PHF24: variants seen among roughly 807,000 people sequenced by gnomAD.
PHF24 encodes the protein PHD finger protein 24, also known as Galpha inhibitory interacting protein.
PHF24 carries 25 observed loss-of-function variants against 42.6 expected under a neutral mutation model. That is an observed-to-expected ratio of 0.59 (90% CI 0.43 to 0.82). The LOEUF (loss-of-function observed/expected upper bound fraction) is 0.82. Among genes scored for constraint, PHF24 ranks in the 40% least tolerant of loss-of-function variants. PHF24 has a pLI of 0.00. For missense variants in PHF24, 470 were observed against 538.1 expected (o/e 0.87, Z 1.25); for synonymous variants, 185 against 204.8 (o/e 0.90, Z 0.83).
At chr9:34,951,313 T>A in the PHF24 span, among the ~76,000 whole-genome samples, 1 of 152,210 alleles carries the variant, frequency 6.6e-6, no homozygotes, top group African/African-American at 2.4e-5. Context: ...GTGAATATGT[T>A]ATAGTACAAG....
the PHF24 span, among the ~76,000 whole-genome samples, chr9:34,704,760 C>G: frequency 6.6e-6 from 1 of 152,072 alleles, no homozygotes; most frequent in African/African-American, 2.4e-5. Context: ...TGCTTGAGCC[C>G]AGGAGGTTGA....
chr9:34,922,597 A>C, the PHF24 span: 1 of 951,464 alleles, frequency 1.1e-6, no homozygotes. Flanking sequence ...CTTGTGAAGC[A>C]CTGGGGATCA....
the PHF24 span, among the ~76,000 whole-genome samples, chr9:34,804,511 A>C: frequency 6.6e-6 from 1 of 152,216 alleles, no homozygotes; most frequent in South Asian, 2.1e-4. Flanking sequence ...GTTGACATTT[A>C]TTAAATATTT....
At chr9:34,957,155 A>C (rs1279360473), upstream of PHF24, among the ~76,000 whole-genome samples, 1 of 152,228 alleles carries the variant, frequency 6.6e-6, no homozygotes, top group African/African-American at 2.4e-5. Context: ...GAAATATACC[A>C]TACTTGCCTT....
chr9:34,790,470 A>G, the PHF24 span, among the ~76,000 whole-genome samples: 3 of 152,166 alleles, frequency 2.0e-5, no homozygotes, highest in Non-Finnish European at 2.9e-5. Context: ...TGATTCTGAC[A>G]ACTTTCACAA....
chr9:34,778,535 T>C, the PHF24 span, among the ~76,000 whole-genome samples: 1 of 151,952 alleles, frequency 6.6e-6, no homozygotes, highest in East Asian at 1.9e-4. Context: ...ATGGACATTT[T>C]CATAATGATA....
chr9:34,690,438 G>GTA, the PHF24 span: 2 of 871,606 alleles, frequency 2.3e-6, no homozygotes, highest in Non-Finnish European at 3.6e-6. Flanking sequence ...GTGTGTGTGT[G>GTA]TGTGTGTGTG....
chr9:34,762,143 G>A, the PHF24 span, among the ~76,000 whole-genome samples: 2 of 152,144 alleles, frequency 1.3e-5, no homozygotes, highest in Non-Finnish European at 2.9e-5. Flanking sequence ...TGTGAATAGT[G>A]CTGCAATAAA....
the PHF24 span, among the ~76,000 whole-genome samples, chr9:34,928,666 G>A: frequency 1.3e-5 from 2 of 152,068 alleles, no homozygotes; most frequent in Non-Finnish European, 2.9e-5. Context: ...TCTCCTATGG[G>A]AGCACAGTGT....
At chr9:34,977,955 G>A (rs1827263044) in intron 7 of PHF24, 60 bp from the exon 8 acceptor site, 3 of 1,308,544 alleles carry the variant, frequency 2.3e-6, no homozygotes, top group East Asian at 2.3e-5. Context: ...CTGCCCCTGG[G>A]ATCAGGGCTC....
chr9:34,910,908 C>T, the PHF24 span, among the ~76,000 whole-genome samples: 1 of 151,900 alleles, frequency 6.6e-6, no homozygotes, highest in East Asian at 1.9e-4. Context: ...CTACAGCTTC[C>T]ATCTCCCAGG....
At chr9:34,851,101 A>C in the PHF24 span, among the ~76,000 whole-genome samples, 3 of 152,018 alleles carry the variant, frequency 2.0e-5, no homozygotes, top group Non-Finnish European at 4.4e-5. Flanking sequence ...CTCCAGCTGC[A>C]TGCTAGGAGA....
At chr9:34,950,784 C>CGGT in the PHF24 span, among the ~76,000 whole-genome samples, 1 of 151,862 alleles carries the variant, frequency 6.6e-6, no homozygotes, top group South Asian at 2.1e-4. Flanking sequence ...GAAGAGCAAA[C>CGGT]AAAACCCAAA....
the PHF24 span, among the ~76,000 whole-genome samples, chr9:34,947,230 G>T: frequency 6.6e-6 from 1 of 152,202 alleles, no homozygotes; most frequent in African/African-American, 2.4e-5. Flanking sequence ...TTTATTTACA[G>T]CTATGTGCTG....
the PHF24 span, among the ~76,000 whole-genome samples, chr9:34,900,494 G>T: frequency 6.6e-6 from 1 of 152,160 alleles, no homozygotes; most frequent in Admixed American, 6.5e-5. Context: ...AGCTACTCAG[G>T]AGGCTGAGGT....
the PHF24 span, among the ~76,000 whole-genome samples, chr9:34,767,577 G>C: frequency 4.6e-5 from 7 of 152,232 alleles, no homozygotes. Flanking sequence ...ATTAGGGTGG[G>C]AGTGACCCAA....
chr9:34,709,232 A>G, the PHF24 span: 1 of 853,684 alleles, frequency 1.2e-6, no homozygotes, highest in African/African-American at 1.7e-5. Flanking sequence ...AGAGCTGGGA[A>G]TGCAGATGGG....
At chr9:34,761,994 A>G in the PHF24 span, among the ~76,000 whole-genome samples, 3 of 151,588 alleles carry the variant, frequency 2.0e-5, no homozygotes, top group African/African-American at 4.8e-5. Context: ...GTGATTTCCA[A>G]TTTCATCCAT....
At chr9:34,814,178 A>G in the PHF24 span, among the ~76,000 whole-genome samples, 5 of 152,244 alleles carry the variant, frequency 3.3e-5, no homozygotes, top group South Asian at 2.1e-4. Context: ...GGTCTTTGTT[A>G]ATTGATTTCC....
Sources: allele counts gnomAD v4.1 joint callset (sites outside exome capture counted in the v4.1 genomes callset), GRCh38; gene constraint gnomAD v4.1.1; transcripts MANE v1.5; gene names NCBI Gene and HGNC (gene_info 2026-07-23, HGNC 2026-07-21).